Variants in PRKCE observed in about 807,000 individuals in gnomAD.
The protein encoded by PRKCE is protein kinase C epsilon.
Under a neutral mutation model 85.4 loss-of-function variants are expected in PRKCE, and 16 were observed. The observed-to-expected ratio is 0.19, with a 90% CI of 0.13 to 0.28. The LOEUF (loss-of-function observed/expected upper bound fraction) is 0.28. Among genes scored for constraint, PRKCE ranks in the 10% least tolerant of loss-of-function variants. The pLI, the probability that PRKCE is intolerant of heterozygous loss-of-function variation, is 1.00. For missense variants in PRKCE, 573 were observed against 975.2 expected (o/e 0.59, Z 5.49); for synonymous variants, 388 against 371.5 (o/e 1.04, Z -0.51).
Position 45,885,001 on chromosome 2 carries a change from A to ATT in PRKCE, c.412+41940_412+41941dup, listed in dbSNP as rs55883420. Among the ~76,000 whole-genome samples the ATT allele has an allele frequency of 9.1e-3, 651 of 71,488 alleles. 75 individuals carry two copies. The highest frequency in any genetic ancestry group is 0.035 in the African/African-American group (606 of 17,264). The allele number at this position is 71,488 out of a possible 152,430, so 46.9% of individuals were successfully genotyped here. A position where few individuals can be genotyped will look rare whatever the true frequency, so the allele number is the denominator to read the frequency against. On this transcript the variant is annotated intron_variant, in intron 2 of 14. Coordinates refer to ENST00000306156, the MANE Select transcript of PRKCE (RefSeq NM_005400.3). ...TATATATATATATATATATATATAT[A>ATT]TTTGTTGTTGTTGTTGTTGTTTTAC...
At chr2:45,927,022 C>T (rs988255932) in intron 2 of PRKCE, among the ~76,000 whole-genome samples, 1 of 149,168 alleles carries the variant, frequency 6.7e-6, no homozygotes, top group Non-Finnish European at 1.5e-5. Context: ...TATACATGAA[C>T]GTGTGAGTGT....
intron 2 of PRKCE, among the ~76,000 whole-genome samples, chr2:45,854,954 G>A (rs1692560515): frequency 6.6e-6 from 1 of 152,208 alleles, no homozygotes; most frequent in South Asian, 2.1e-4. Context: ...AATAAGCAGA[G>A]CTCACCAGCA....
chr2:45,723,882 G>A (rs2104485685), intron 1 of PRKCE, among the ~76,000 whole-genome samples: 1 of 152,188 alleles, frequency 6.6e-6, no homozygotes, highest in Admixed American at 6.5e-5. Flanking sequence ...GGATTACAAA[G>A]GTGAGCCACT....
At chr2:46,101,039 G>T (rs4953313) in intron 11 of PRKCE, among the ~76,000 whole-genome samples, 48,745 of 151,826 alleles carry the variant, frequency 0.32, 8,065 homozygotes, top group South Asian at 0.42. Flanking sequence ...CTGGTTCACT[G>T]TTGGATTTTT....
intron 12 of PRKCE, among the ~76,000 whole-genome samples, chr2:46,148,313 T>G (rs1676283542): frequency 6.6e-6 from 1 of 152,232 alleles, no homozygotes; most frequent in Non-Finnish European, 1.5e-5. Flanking sequence ...CCAGATCCAC[T>G]GCCGACAGTT....
At chr2:45,739,838 G>T (rs1173954682) in intron 1 of PRKCE, among the ~76,000 whole-genome samples, 2 of 152,180 alleles carry the variant, frequency 1.3e-5, no homozygotes, top group Non-Finnish European at 2.9e-5. Context: ...AAATTTCACA[G>T]TATGTAAATT....
At chr2:46,094,604 A>G (rs926525452) in intron 11 of PRKCE, among the ~76,000 whole-genome samples, 2 of 147,712 alleles carry the variant, frequency 1.4e-5, no homozygotes, top group Non-Finnish European at 1.5e-5. Context: ...ATGGTGGGGA[A>G]CTACACACAC....
intron 2 of PRKCE, among the ~76,000 whole-genome samples, chr2:45,849,033 C>T (rs1157518175): frequency 1.3e-5 from 2 of 152,140 alleles, no homozygotes; most frequent in African/African-American, 2.4e-5. Flanking sequence ...GCTGGATAGA[C>T]AGGATAAGTT....
chr2:46,141,699 A>C (rs572817782), intron 11 of PRKCE, among the ~76,000 whole-genome samples: 1 of 147,878 alleles, frequency 6.8e-6, no homozygotes, highest in East Asian at 2.2e-4. Context: ...TATTAAAAAA[A>C]GACCCCCCTC....
At position 46,013,294 on chromosome 2, in the gene PRKCE, A is replaced by C. The variant is rs141617025; in HGVS notation, c.1437+2777A>C. Among the ~76,000 whole-genome samples, 496 of 152,356 alleles carry C rather than the reference A, an allele frequency of 3.3e-3. 3 individuals carry two copies. Among genetic ancestry groups the C allele is most frequent in the African/African-American group, 0.011 (472 of 41,574 alleles). On this transcript the variant is annotated intron_variant, in intron 10 of 14. Transcript: ENST00000306156. ...CTCTGAGGTAGATGCTGGGGTTATTAACCAAAGGAAGACAGTTCTCACGTG... is the reference window on the plus strand; with the variant it reads ...CTCTGAGGTAGATGCTGGGGTTATTCACCAAAGGAAGACAGTTCTCACGTG...
chr2:45,676,454 G>T (rs1676454229), intron 1 of PRKCE, among the ~76,000 whole-genome samples: 1 of 152,226 alleles, frequency 6.6e-6, no homozygotes, highest in Admixed American at 6.5e-5. Context: ...ATGCAGGTCA[G>T]AATGACGTCA....
chr2:45,927,161 T>C (rs1368900217), intron 2 of PRKCE, among the ~76,000 whole-genome samples: 1 of 151,772 alleles, frequency 6.6e-6, no homozygotes, highest in African/African-American at 2.4e-5. Flanking sequence ...GGACACAGGA[T>C]GGTAAGAAGT....
chr2:45,825,938 G>A (rs540755932), intron 1 of PRKCE, among the ~76,000 whole-genome samples: 71 of 152,198 alleles, frequency 4.7e-4, no homozygotes, highest in African/African-American at 1.7e-3. Flanking sequence ...CGGGGGGATG[G>A]GGGGATGATA....
intron 2 of PRKCE, among the ~76,000 whole-genome samples, chr2:45,966,737 C>T (rs34327206): frequency 0.084 from 12,728 of 152,052 alleles, 1,086 homozygotes; most frequent in African/African-American, 0.22. Flanking sequence ...GTCCTAAAGC[C>T]TTGTGGGATG....
chr2:45,703,024 C>CT (rs1553382472), intron 1 of PRKCE, among the ~76,000 whole-genome samples: 1 of 147,628 alleles, frequency 6.8e-6, no homozygotes, highest in Non-Finnish European at 1.5e-5. Flanking sequence ...CCTTTTTTCC[C>CT]CCCCCGTCAG....
chr2:46,086,440 C>T (rs1204472725), intron 11 of PRKCE, 78 bp downstream of exon 11: 21 of 1,499,918 alleles, frequency 1.4e-5, no homozygotes, highest in Middle Eastern at 1.8e-4. Context: ...GACTTCAGCT[C>T]CTGCCCACTC....
At chr2:45,699,760 C>T (rs1261675202) in intron 1 of PRKCE, among the ~76,000 whole-genome samples, 3 of 152,094 alleles carry the variant, frequency 2.0e-5, no homozygotes, top group Admixed American at 6.6e-5. Context: ...CAGTTGGGTC[C>T]TTAGAGAGCA....
intron 2 of PRKCE, among the ~76,000 whole-genome samples, chr2:45,882,572 T>G (rs1694964893): frequency 6.6e-6 from 1 of 152,252 alleles, no homozygotes; most frequent in Non-Finnish European, 1.5e-5. Flanking sequence ...AATAAACAGT[T>G]GTTGACTAGC....
At chr2:45,698,121 G>T (rs11680901) in intron 1 of PRKCE, 1 of 152,492 alleles carries the variant, frequency 6.6e-6, no homozygotes, top group Non-Finnish European at 1.5e-5. Flanking sequence ...TGCCACATGC[G>T]AATGTGGCTG....
Sources: gnomAD v4.1 joint callset for allele counts (sites outside exome capture counted in the v4.1 genomes callset) on GRCh38, gnomAD v4.1.1 for gene constraint, MANE v1.5 for transcripts, NCBI Gene and HGNC (gene_info 2026-07-23, HGNC 2026-07-21) for gene names.